ACACA: variants seen among roughly 807,000 people sequenced by gnomAD.
ACACA encodes the protein acetyl-CoA carboxylase alpha.
In ACACA, 103 loss-of-function variants were observed where a neutral mutation model predicts 296.1. The observed-to-expected ratio is 0.35, with a 90% CI of 0.30 to 0.41. The LOEUF is 0.41. Ranked by LOEUF, ACACA falls within the 10% of genes least tolerant of loss-of-function variation. The probability of loss-of-function intolerance (pLI) is 1.00; values close to 1 mark genes in which losing one functional copy is unlikely to be tolerated. For synonymous variants in ACACA, 953 were observed against 1,038.6 expected (o/e 0.92, Z 1.58); for missense variants, 1,554 against 2,989.7 (o/e 0.52, Z 11.20).
At chr17:37,261,606 C>G (rs768209266) in intron 11 of ACACA, among the ~76,000 whole-genome samples, 1 of 152,192 alleles carries the variant, frequency 6.6e-6, no homozygotes, top group Non-Finnish European at 1.5e-5. Context: ...ACAGAGAAAA[C>G]TGAATGAGGA....
chr17:37,221,352 C>T (rs924101147), intron 29 of ACACA, among the ~76,000 whole-genome samples: 1 of 152,136 alleles, frequency 6.6e-6, no homozygotes, highest in Non-Finnish European at 1.5e-5. Flanking sequence ...AAAAGCATTC[C>T]ACCCAAAGTA....
At chr17:37,116,518 G>A (rs151051367) in intron 50 of ACACA, among the ~76,000 whole-genome samples, 5 of 152,084 alleles carry the variant, frequency 3.3e-5, no homozygotes, top group East Asian at 3.9e-4. Context: ...AGTATTTTTC[G>A]GCCCCAAGAC....
chr17:37,114,747 T>C (rs2074158598), intron 50 of ACACA, among the ~76,000 whole-genome samples: 1 of 152,144 alleles, frequency 6.6e-6, no homozygotes, highest in Non-Finnish European at 1.5e-5. Flanking sequence ...TAATGAGTAC[T>C]TCAGTGGAGC....
intron 3 of ACACA, among the ~76,000 whole-genome samples, chr17:37,315,667 T>C (rs948060269): frequency 1.3e-5 from 2 of 152,156 alleles, no homozygotes; most frequent in Non-Finnish European, 2.9e-5. Context: ...TACTGCTTTA[T>C]AAAGGATACA....
chr17:37,238,195 A>T (rs1416706960), intron 24 of ACACA, among the ~76,000 whole-genome samples: 1 of 152,140 alleles, frequency 6.6e-6, no homozygotes, highest in Non-Finnish European at 1.5e-5. Flanking sequence ...ACCATTTAAC[A>T]GCTTCACCTC....
chr17:37,144,381 T>C, intron 45 of ACACA: 1 of 420,428 alleles, frequency 2.4e-6, no homozygotes, highest in Admixed American at 3.1e-5. Context: ...CGTAACCTCT[T>C]TAAGTTATGT....
At chr17:37,289,243 C>CA (rs1377801956) in intron 3 of ACACA, among the ~76,000 whole-genome samples, 1 of 151,344 alleles carries the variant, frequency 6.6e-6, no homozygotes, top group East Asian at 1.9e-4. Context: ...GCCTGGGTGA[C>CA]AGAGTTAGAC....
intron 19 of ACACA, 78 bp from the exon 20 acceptor site, chr17:37,245,292 C>A: frequency 6.7e-7 from 1 of 1,498,964 alleles, no homozygotes; most frequent in South Asian, 1.1e-5. Flanking sequence ...AAATTTTTCC[C>A]TTAGCATCTA....
chr17:37,293,827 A>C (rs965146727), intron 3 of ACACA, among the ~76,000 whole-genome samples: 13 of 152,174 alleles, frequency 8.5e-5, no homozygotes, highest in Non-Finnish European at 1.3e-4. Flanking sequence ...GGCATGAGCC[A>C]CCACGCCTGG....
chr17:37,188,172 A>G lies in ACACA; in HGVS notation c.4776+105T>C. The G allele has an allele frequency of 2.8e-6, 3 of 1,075,106 alleles. No homozygotes were observed. In the South Asian group the frequency reaches 4.0e-5, roughly 14 times the overall value. The allele number at this position is 1,075,106 out of a possible 1,614,324, so 66.6% of individuals were successfully genotyped here. A position where few individuals can be genotyped will look rare whatever the true frequency, so the allele number is the denominator to read the frequency against. ...TAATCTTATAGAGGATAATCCCACC[A>G]GGTGAACCAATGGGATTTGTGAGTG... On this transcript the variant is annotated intron_variant, in intron 39 of 55. Coordinates refer to ENST00000616317, the MANE Select transcript of ACACA (RefSeq NM_198834.3).
At chr17:37,383,833 G>A (rs746512147) in intron 1 of ACACA, among the ~76,000 whole-genome samples, 2 of 152,170 alleles carry the variant, frequency 1.3e-5, no homozygotes, top group African/African-American at 2.4e-5. Context: ...TTATAGGCGT[G>A]AGCCACCTCA....
At chr17:37,152,017 G>T (rs542340130) in intron 43 of ACACA, among the ~76,000 whole-genome samples, 1 of 151,162 alleles carries the variant, frequency 6.6e-6, no homozygotes, top group Non-Finnish European at 1.5e-5. Context: ...GGATGGTCTC[G>T]ATCTCTTGAC....
intron 1 of ACACA, among the ~76,000 whole-genome samples, chr17:37,356,471 C>T (rs2049146456): frequency 6.6e-6 from 1 of 152,064 alleles, no homozygotes; most frequent in African/African-American, 2.4e-5. Flanking sequence ...CTCTGCCTCC[C>T]AGGTTCATGC....
At chr17:37,252,243 T>G in intron 15 of ACACA, 135 bp from the exon 16 acceptor site, 1 of 742,470 alleles carries the variant, frequency 1.3e-6, no homozygotes, top group East Asian at 2.7e-5. Context: ...CCCAACTGAT[T>G]TTTTAGATAA....
chr17:37,317,523 A>T (rs937594202), intron 3 of ACACA, among the ~76,000 whole-genome samples: 2 of 152,158 alleles, frequency 1.3e-5, no homozygotes, highest in Non-Finnish European at 2.9e-5. Context: ...AGATCATGCC[A>T]CTGTACTCCA....
intron 35 of ACACA, among the ~76,000 whole-genome samples, chr17:37,193,646 C>T (rs2077858948): frequency 6.6e-6 from 1 of 152,052 alleles, no homozygotes; most frequent in South Asian, 2.1e-4. Flanking sequence ...TAGTATCTAC[C>T]CTCTCCCAGG....
chr17:37,158,686 G>A (rs1209080857), intron 42 of ACACA, among the ~76,000 whole-genome samples: 1 of 152,000 alleles, frequency 6.6e-6, no homozygotes, highest in Non-Finnish European at 1.5e-5. Flanking sequence ...AGGTGAATAG[G>A]AAAAGAGGAG....
At chr17:37,393,571 G>C (rs1263403808) in intron 1 of ACACA, among the ~76,000 whole-genome samples, 2 of 152,084 alleles carry the variant, frequency 1.3e-5, no homozygotes, top group Non-Finnish European at 2.9e-5. Flanking sequence ...GGCCGGGCAC[G>C]GTGGCTCAAG....
chr17:37,299,193 C>A (rs2083496204), intron 3 of ACACA: 5 of 1,346,104 alleles, frequency 3.7e-6, no homozygotes, highest in South Asian at 2.8e-5. Flanking sequence ...AAAAAATGAT[C>A]AAATAAATCT....
Sources: allele counts gnomAD v4.1 joint callset (sites outside exome capture counted in the v4.1 genomes callset), GRCh38; gene constraint gnomAD v4.1.1; transcripts MANE v1.5; gene names NCBI Gene and HGNC (gene_info 2026-07-23, HGNC 2026-07-21).